The following ST18 variants were observed in gnomAD, a reference collection of about 807,000 sequenced individuals.
ST18 encodes suppression of tumorigenicity 18 protein.
A neutral mutation model predicts 110.0 loss-of-function variants in ST18; 50 were observed. That is an observed-to-expected ratio of 0.45 (90% CI 0.36 to 0.58). The LOEUF (loss-of-function observed/expected upper bound fraction) is 0.58, where lower values mean the gene tolerates loss of function less well. Ranked by LOEUF, ST18 falls within the 20% of genes least tolerant of loss-of-function variation. The pLI, the probability that ST18 is intolerant of heterozygous loss-of-function variation, is 0.00. For synonymous variants in ST18, 461 were observed against 452.4 expected, an observed-to-expected ratio of 1.02 and a Z score of -0.24; for missense variants, 1,306 against 1,280.1, an observed-to-expected ratio of 1.02 and a Z score of -0.31.
intron 13 of ST18, among the ~76,000 whole-genome samples, chr8:52,161,778 T>C (rs552403067): frequency 2.0e-5 from 3 of 152,354 alleles, no homozygotes; most frequent in African/African-American, 4.8e-5. Context: ...TCTACATCAC[T>C]ACATGATGCT....
At chr8:52,358,011 A>T (rs1379988532) in intron 2 of ST18, among the ~76,000 whole-genome samples, 1 of 151,742 alleles carries the variant, frequency 6.6e-6, no homozygotes, top group Non-Finnish European at 1.5e-5. Context: ...ATTTTCTCTA[A>T]CCACAATAGA....
At chr8:52,249,972 C>A (rs2094158855) in intron 2 of ST18, among the ~76,000 whole-genome samples, 1 of 152,082 alleles carries the variant, frequency 6.6e-6, no homozygotes, top group African/African-American at 2.4e-5. Flanking sequence ...TCCCCCCGAC[C>A]CCAGCCCTAC....
At chr8:52,221,102 TC>T (rs2086526186) in intron 4 of ST18, among the ~76,000 whole-genome samples, 5 of 150,408 alleles carry the variant, frequency 3.3e-5, no homozygotes, top group African/African-American at 1.2e-4. Flanking sequence ...TATCTATCTA[TC>T]TATCTATCTA....
chr8:52,273,254 G>C (rs1323903628), intron 2 of ST18, among the ~76,000 whole-genome samples: 2 of 152,096 alleles, frequency 1.3e-5, no homozygotes, highest in Non-Finnish European at 2.9e-5. Context: ...TCGTGGAGAG[G>C]GGAGGACAGG....
At chr8:52,311,297 T>C (rs1444465471) in intron 2 of ST18, among the ~76,000 whole-genome samples, 1 of 152,210 alleles carries the variant, frequency 6.6e-6, no homozygotes, top group Non-Finnish European at 1.5e-5. Flanking sequence ...TTATCTCCCC[T>C]GAACTTTAAA....
At chr8:52,208,157 G>A (rs1356608763) in intron 8 of ST18, among the ~76,000 whole-genome samples, 4 of 152,194 alleles carry the variant, frequency 2.6e-5, no homozygotes, top group African/African-American at 9.7e-5. Flanking sequence ...TTAGTGCCAT[G>A]AAGAATATAC....
chr8:52,131,903 C>A, intron 22 of ST18, 55 bp downstream of exon 22: 1 of 1,575,282 alleles, frequency 6.3e-7, no homozygotes, highest in East Asian at 2.2e-5. Flanking sequence ...CCCAAGGCAG[C>A]CTAGGCGACA....
At chr8:52,299,444 C>T (rs1045413975) in intron 2 of ST18, among the ~76,000 whole-genome samples, 1 of 152,124 alleles carries the variant, frequency 6.6e-6, no homozygotes, top group African/African-American at 2.4e-5. Context: ...TTTAAAATAT[C>T]AGTCTCTAGT....
chr8:52,342,473 G>A (rs1815548869), intron 2 of ST18, among the ~76,000 whole-genome samples: 1 of 152,212 alleles, frequency 6.6e-6, no homozygotes, highest in Admixed American at 6.5e-5. Context: ...TATGGTTTAT[G>A]ATGTTCCAGA....
chr8:52,389,745 G>A (rs890100945), intron 2 of ST18, among the ~76,000 whole-genome samples: 2 of 152,168 alleles, frequency 1.3e-5, no homozygotes, highest in South Asian at 2.1e-4. Context: ...GCCTTCCTGC[G>A]TCGTGCAGGT....
In ST18 at chr8:52,161,481, C is replaced by T. The variant is rs2061441630; in HGVS notation, c.1488G>A (p.Lys496=). 2.5e-6 allele frequency: 4 copies of T among 1,614,110 alleles called. No homozygotes were observed. Among genetic ancestry groups the T allele is most frequent in the Admixed American group, 3.3e-5 (2 of 60,008 alleles). ...PRATVSKEQE[K]FGKVPFDYAS... ...CATAATCAAATGGTACTTTTCCAAACTTCTCTTGTTCTTTTGACACTGTGG... is the reference window on the plus strand; with the variant it reads ...CATAATCAAATGGTACTTTTCCAAATTTCTCTTGTTCTTTTGACACTGTGG... Residue 496 remains lysine, a synonymous_variant, in exon 14 of 26, where the codon AAG becomes AAA. Transcript: ENST00000689386.
chr8:52,378,005 AAC>A (rs1367830392), intron 2 of ST18, among the ~76,000 whole-genome samples: 5 of 152,218 alleles, frequency 3.3e-5, no homozygotes, highest in Admixed American at 2.0e-4. Flanking sequence ...ATAATTTGGA[AAC>A]ACAAAGACAA....
chr8:52,340,791 A>T (rs964973868), intron 2 of ST18, among the ~76,000 whole-genome samples: 6 of 152,178 alleles, frequency 3.9e-5, no homozygotes, highest in African/African-American at 1.4e-4. Flanking sequence ...AAGTTCAAAT[A>T]TACCTCCCTG....
intron 2 of ST18, among the ~76,000 whole-genome samples, chr8:52,353,439 G>A (rs546034305): frequency 9.0e-4 from 137 of 152,260 alleles, no homozygotes; most frequent in African/African-American, 3.1e-3. Flanking sequence ...GGTACTAGAC[G>A]CTGAGAGGAG....
intron 2 of ST18, among the ~76,000 whole-genome samples, chr8:52,355,957 AG>A (rs1822545198): frequency 6.6e-6 from 1 of 152,200 alleles, no homozygotes; most frequent in African/African-American, 2.4e-5. Context: ...TGAGCACAGC[AG>A]CCAGGAGCAA....
At chr8:52,295,475 G>A (rs566271304) in intron 2 of ST18, among the ~76,000 whole-genome samples, 1 of 152,026 alleles carries the variant, frequency 6.6e-6, no homozygotes, top group African/African-American at 2.4e-5. Context: ...TCGAAATTCA[G>A]ATTAACAAAA....
At chr8:52,255,935 T>C (rs1372703164) in intron 2 of ST18, among the ~76,000 whole-genome samples, 3 of 152,224 alleles carry the variant, frequency 2.0e-5, no homozygotes, top group Non-Finnish European at 4.4e-5. Context: ...CACAGTGTTT[T>C]GGTTTTTTGA....
intron 2 of ST18, among the ~76,000 whole-genome samples, chr8:52,392,645 T>G (rs940799497): frequency 6.6e-6 from 1 of 152,018 alleles, no homozygotes; most frequent in Admixed American, 6.6e-5. Context: ...ATTGAAACAG[T>G]TTTACGGAAA....
intron 2 of ST18, among the ~76,000 whole-genome samples, chr8:52,350,484 T>C (rs911672462): frequency 3.9e-5 from 6 of 152,120 alleles, no homozygotes; most frequent in African/African-American, 1.4e-4. Context: ...TCAAGTACCA[T>C]CCCTATTTTA....
Sources: allele counts gnomAD v4.1 joint callset (sites outside exome capture counted in the v4.1 genomes callset), GRCh38; gene constraint gnomAD v4.1.1; transcripts MANE v1.5; gene names NCBI Gene and HGNC (gene_info 2026-07-23, HGNC 2026-07-21).